Variants in ANK3 observed in about 807,000 individuals in gnomAD.
ANK3 encodes the protein ankyrin 3, also known as ankyrin-3.
Under a neutral mutation model 370.9 loss-of-function variants are expected in ANK3, and 57 were observed. That is an observed-to-expected ratio of 0.15 (90% CI 0.12 to 0.19). The LOEUF (loss-of-function observed/expected upper bound fraction) is 0.19, where lower values mean the gene tolerates loss of function less well. ANK3 is among the 10% of genes least tolerant of loss of function. The probability of loss-of-function intolerance (pLI) is 1.00; values close to 1 mark genes in which losing one functional copy is unlikely to be tolerated. For missense variants in ANK3, 4,439 were observed against 5,302.1 expected, an observed-to-expected ratio of 0.84 and a Z score of 5.06; for synonymous variants, 1,929 against 1,946.3, an observed-to-expected ratio of 0.99 and a Z score of 0.23.
intron 2 of ANK3, among the ~76,000 whole-genome samples, chr10:60,454,063 G>A (rs558819170): frequency 6.6e-6 from 1 of 152,216 alleles, no homozygotes; most frequent in African/African-American, 2.4e-5. Flanking sequence ...AGCCATTCTT[G>A]TCTACCACTT....
rs2078651751 is a variant in ANK3, at chr10:60,642,643, G to GT, written c.58-27420_58-27419insA. Among the ~76,000 whole-genome samples, 3 of 151,286 alleles carry GT rather than the reference G, an allele frequency of 2.0e-5. No homozygotes were observed. The South Asian group carries it at 6.3e-4, about 32-fold the overall frequency. On this transcript the variant is annotated intron_variant, in intron 1 of 43. Coordinates refer to the ANK3 transcript ENST00000373827. ...TCTGAGGACTGTTGTGGGGTGGGGG[G>GT]GCGAGGGATAGCATTAGGAGATATA...
At position 60,255,962 on chromosome 10, in the gene ANK3, G is replaced by C. The variant is rs986254682; in HGVS notation, c.798+5897C>G. Among the ~76,000 whole-genome samples the C allele has an allele frequency of 2.0e-5, 3 of 152,122 alleles. 1 individual carries two copies. The highest frequency in any genetic ancestry group is 4.4e-5 in the Non-Finnish European group (3 of 68,014). On this transcript the variant is annotated intron_variant, in intron 7 of 43. Coordinates refer to ENST00000280772, the MANE Select transcript of ANK3 (RefSeq NM_020987.5). Reference sequence around the variant, plus strand: ...GATCTGGTAAAGGGGTTCCCACTTGGGGGAAATGAGATAGACTCTGCAACA... The same window carrying C: ...GATCTGGTAAAGGGGTTCCCACTTGCGGGAAATGAGATAGACTCTGCAACA...
intron 1 of ANK3, among the ~76,000 whole-genome samples, chr10:60,330,695 G>A (rs1270149133): frequency 6.6e-6 from 1 of 152,198 alleles, no homozygotes; most frequent in African/African-American, 2.4e-5. Flanking sequence ...AACCATTGTG[G>A]CAGACAGTGT....
At chr10:60,219,039 T>C (rs932637214) in intron 8 of ANK3, among the ~76,000 whole-genome samples, 8 of 151,774 alleles carry the variant, frequency 5.3e-5, no homozygotes, top group African/African-American at 1.9e-4. Context: ...AGTCTTCAAA[T>C]TCTGATATCC....
intron 18 of ANK3, among the ~76,000 whole-genome samples, chr10:60,175,304 G>A (rs1212416203): frequency 6.6e-6 from 1 of 152,232 alleles, no homozygotes; most frequent in Non-Finnish European, 1.5e-5. Context: ...GAAATCAGAT[G>A]TGGGCTCCTC....
At chr10:60,398,634 A>G (rs1375470359) in intron 2 of ANK3, among the ~76,000 whole-genome samples, 1 of 152,212 alleles carries the variant, frequency 6.6e-6, no homozygotes, top group African/African-American at 2.4e-5. Context: ...CACACAGATA[A>G]CGTTTCTTTA....
intron 2 of ANK3, among the ~76,000 whole-genome samples, chr10:60,429,317 T>C (rs1191261504): frequency 2.6e-5 from 4 of 151,286 alleles, no homozygotes; most frequent in Non-Finnish European, 4.4e-5. Context: ...TAGGAGAAAG[T>C]AAGAAAGAAA....
chr10:60,445,209 C>A (rs2064411896), intron 2 of ANK3, among the ~76,000 whole-genome samples: 1 of 152,038 alleles, frequency 6.6e-6, no homozygotes, highest in African/African-American at 2.4e-5. Context: ...GGCAACATGA[C>A]AAAATCACAT....
At chr10:60,385,844 A>T (rs775921276) in intron 1 of ANK3, among the ~76,000 whole-genome samples, 1 of 152,206 alleles carries the variant, frequency 6.6e-6, no homozygotes, top group Non-Finnish European at 1.5e-5. Flanking sequence ...ATATACAAGC[A>T]TGTATTCATA....
chr10:60,378,111 C>T (rs1009741446), intron 1 of ANK3, among the ~76,000 whole-genome samples: 6 of 152,134 alleles, frequency 3.9e-5, no homozygotes, highest in Admixed American at 3.9e-4. Context: ...CAATCCCCAT[C>T]ACTTCGTAAG....
chr10:60,172,467 C>G, intron 20 of ANK3, 64 bp from the exon 21 acceptor site: 3 of 1,356,482 alleles, frequency 2.2e-6, no homozygotes, highest in Admixed American at 1.8e-5. Context: ...TTTGCTGATA[C>G]AAAATGTAAG....
intron 1 of ANK3, among the ~76,000 whole-genome samples, chr10:60,622,169 G>A (rs1168210087): frequency 6.6e-6 from 1 of 152,024 alleles, no homozygotes; most frequent in East Asian, 1.9e-4. Context: ...TCACAGACAT[G>A]TTTGGAAAGC....
chr10:60,727,837 C>A (rs2079963614), intron 1 of ANK3, among the ~76,000 whole-genome samples: 1 of 152,094 alleles, frequency 6.6e-6, no homozygotes, highest in African/African-American at 2.4e-5. Flanking sequence ...CTTAAAAGTT[C>A]ATTGAAACAG....
At chr10:60,063,817 T>C (rs1589441284) in intron 39 of ANK3, among the ~76,000 whole-genome samples, 1 of 152,212 alleles carries the variant, frequency 6.6e-6, no homozygotes, top group Non-Finnish European at 1.5e-5. Context: ...CCAGCCATAG[T>C]GGTAACTTCG....
At chr10:60,522,815 G>A (rs1368764997) in intron 2 of ANK3, among the ~76,000 whole-genome samples, 2 of 152,000 alleles carry the variant, frequency 1.3e-5, no homozygotes, top group Admixed American at 6.6e-5. Context: ...AGATCTTATT[G>A]AAATCCTTAA....
At chr10:60,634,356 T>TA (rs983036030) in intron 1 of ANK3, among the ~76,000 whole-genome samples, 5 of 151,888 alleles carry the variant, frequency 3.3e-5, no homozygotes, top group Non-Finnish European at 2.9e-5. Context: ...ATACCATGAG[T>TA]AAAAAAATGA....
intron 2 of ANK3, among the ~76,000 whole-genome samples, chr10:60,592,292 T>C (rs2077927474): frequency 6.6e-6 from 1 of 152,228 alleles, no homozygotes; most frequent in African/African-American, 2.4e-5. Flanking sequence ...AGTTTCTTGT[T>C]TGCAACCAAG....
intron 1 of ANK3, among the ~76,000 whole-genome samples, chr10:60,350,463 C>G (rs2056621226): frequency 6.6e-6 from 1 of 152,158 alleles, no homozygotes; most frequent in African/African-American, 2.4e-5. Context: ...TGTGGGCAGA[C>G]AGGACAGATA....
chr10:60,419,302 T>C (rs747390777), intron 2 of ANK3, among the ~76,000 whole-genome samples: 6 of 152,116 alleles, frequency 3.9e-5, no homozygotes, highest in Non-Finnish European at 5.9e-5. Flanking sequence ...ATTCTTCCCA[T>C]CTATTATATG....
Sources: gnomAD v4.1 joint callset for allele counts (sites outside exome capture counted in the v4.1 genomes callset) on GRCh38, gnomAD v4.1.1 for gene constraint, MANE v1.5 for transcripts, NCBI Gene and HGNC (gene_info 2026-07-23, HGNC 2026-07-21) for gene names.